JMY: variants seen among roughly 807,000 people sequenced by gnomAD.
JMY encodes junction mediating and regulatory protein, p53 cofactor.
JMY carries 46 observed loss-of-function variants against 103.3 expected under a neutral mutation model. That is an observed-to-expected ratio of 0.45 (90% confidence interval 0.35 to 0.57). The LOEUF is 0.57. Ranked by LOEUF, JMY falls within the 20% of genes least tolerant of loss-of-function variation. JMY has a pLI of 0.00. For missense variants in JMY, 1,238 were observed against 1,255.2 expected (o/e 0.99, Z 0.21); for synonymous variants, 526 against 489.3 (o/e 1.07, Z -0.99).
At chr5:79,282,204 C>T (rs1371544738) in intron 2 of JMY, among the ~76,000 whole-genome samples, 1 of 151,560 alleles carries the variant, frequency 6.6e-6, no homozygotes, top group East Asian at 1.9e-4. Flanking sequence ...GAGACACTGT[C>T]TCAAAAAATA....
chr5:79,314,859 A>G lies in JMY; in HGVS notation c.2659+8A>G. On this transcript the variant is annotated splice_region_variant and intron_variant, in intron 9 of 10. Transcript: ENST00000396137. Reference sequence around the variant, plus strand: ...GTTTGCAGAGGAGGAGAGGTACGTCAACATATTTTCATGGTCCATCTGTTG... The same window carrying G: ...GTTTGCAGAGGAGGAGAGGTACGTCGACATATTTTCATGGTCCATCTGTTG... The G allele has an allele frequency of 6.5e-7, 1 of 1,539,302 alleles. No individual in the cohort carries two copies. Among genetic ancestry groups the G allele is most frequent in the Non-Finnish European group, 8.7e-7 (1 of 1,144,974 alleles).
At chr5:79,313,649 T>C (rs1747117810) in intron 8 of JMY, among the ~76,000 whole-genome samples, 1 of 152,232 alleles carries the variant, frequency 6.6e-6, no homozygotes, top group African/African-American at 2.4e-5. Context: ...TTTATACATT[T>C]GACATCACTT....
chr5:79,323,834 G>A lies in JMY; in HGVS notation c.*2232G>A, dbSNP rs887174186. On this transcript the variant is annotated 3_prime_UTR_variant, in exon 11 of 11. Coordinates refer to ENST00000396137, the MANE Select transcript of JMY (RefSeq NM_152405.5). ...CATAAGTCTCTAGCAAAGAGTGGAG[G>A]GTGGAGGGTGTGTAGAACTCCACTC... is the stretch of plus-strand genomic sequence containing the variant. The A allele has an allele frequency of 6.6e-5, 10 of 152,070 alleles. No individual in the cohort carries two copies. The highest frequency in any genetic ancestry group is 5.9e-4 in the Admixed American group (9 of 15,254). The allele number at this position is 152,070 out of a possible 1,614,324, so 9.4% of individuals were successfully genotyped here.
chr5:79,269,606 G>T (rs1404417917), intron 1 of JMY, among the ~76,000 whole-genome samples: 1 of 152,034 alleles, frequency 6.6e-6, no homozygotes, highest in African/African-American at 2.4e-5. Context: ...GATTTCCTTT[G>T]TCAGAGTTTT....
chr5:79,236,486 T>C lies in JMY; in HGVS notation c.-165T>C. ...TCCGCGCCACAAAGGAGCTCGGCGG[T>C]CGGGGCGCGGAGGGACAGGCGAACG... On this transcript the variant is annotated 5_prime_UTR_variant, in exon 1 of 11. Transcript: ENST00000396137. 2.2e-6 allele frequency: 1 copy of C among 460,904 alleles called. No homozygotes were observed. The highest frequency in any genetic ancestry group is 3.6e-6 in the Non-Finnish European group (1 of 276,328). The allele number at this position is 460,904 out of a possible 1,614,324, so 28.6% of individuals were successfully genotyped here.
At chr5:79,316,349 C>A in intron 10 of JMY, 39 bp downstream of exon 10, 1 of 1,459,040 alleles carries the variant, frequency 6.9e-7, no homozygotes, top group Non-Finnish European at 9.4e-7. Context: ...TTCAGTAATA[C>A]AGGTTTTATA....
At position 79,314,265 on chromosome 5, in the gene JMY, T is replaced by C. The variant is rs756394278; in HGVS notation, c.2073T>C (p.Pro691=). Residue 691 remains proline, a synonymous_variant, in exon 9 of 11, where the codon CCT becomes CCC. Transcript: ENST00000396137. ...DRLRTFKQRY[P]GQVILKSTRL... Reference sequence around the variant, plus strand: ...AACTTCTGGTATTTTAGAGGTATCCTGGGCAAGTCATACTTAAATCAACCA... The same window carrying C: ...AACTTCTGGTATTTTAGAGGTATCCCGGGCAAGTCATACTTAAATCAACCA... The C allele has an allele frequency of 3.1e-6, 5 of 1,608,488 alleles. No individual in the cohort carries two copies. In the African/African-American group the frequency reaches 4.0e-5, roughly 13 times the overall value.
intron 7 of JMY, among the ~76,000 whole-genome samples, chr5:79,307,648 GATAA>G (rs1266052490): frequency 2.0e-5 from 3 of 152,082 alleles, no homozygotes; most frequent in African/African-American, 7.2e-5. Flanking sequence ...CAGATATATA[GATAA>G]ATAGATACAT....
chr5:79,291,408 T>C, intron 4 of JMY, 109 bp downstream of exon 4: 1 of 893,578 alleles, frequency 1.1e-6, no homozygotes, highest in Non-Finnish European at 1.6e-6. Context: ...TATGCCATCT[T>C]CATGAGATGA....
intron 7 of JMY, 96 bp downstream of exon 7, chr5:79,306,557 T>C (rs1423911442): frequency 1.2e-6 from 1 of 856,134 alleles, no homozygotes; most frequent in African/African-American, 1.7e-5. Context: ...AACTTATAAC[T>C]GCATGTTAAC....
chr5:79,284,116 A>G (rs1746200793), intron 2 of JMY: 1 of 1,469,172 alleles, frequency 6.8e-7, no homozygotes, highest in Non-Finnish European at 9.1e-7. Flanking sequence ...ATTTGCCACT[A>G]TTTGAAGTCT....
chr5:79,284,459 T>TAAGAG, intron 2 of JMY: 1 of 1,578,652 alleles, frequency 6.3e-7, no homozygotes, highest in South Asian at 1.1e-5. Flanking sequence ...GTGCTGGGCA[T>TAAGAG]AAGAGGTCTT....
chr5:79,314,549 T>C lies in JMY; in HGVS notation c.2357T>C (p.Leu786Pro). ...VTSELPPTIS[L>P]PLLNNNLEPC... Reference sequence around the variant, plus strand: ...TCTGAACTGCCTCCCACTATATCTCTTCCACTTTTGAATAACAACCTCGAA... The same window carrying C: ...TCTGAACTGCCTCCCACTATATCTCCTCCACTTTTGAATAACAACCTCGAA... The change falls in exon 9 of 11, where the codon CTT (leucine) becomes CCT (proline). Residue 786 changes from leucine to proline, a missense_variant. Coordinates refer to ENST00000396137, the MANE Select transcript of JMY (RefSeq NM_152405.5). 6.2e-7 allele frequency: 1 copy of C among 1,613,842 alleles called. No homozygotes were observed. The highest frequency in any genetic ancestry group is 1.1e-5 in the South Asian group (1 of 91,068).
chr5:79,261,137 A>G (rs563763363), intron 1 of JMY, among the ~76,000 whole-genome samples: 2 of 152,300 alleles, frequency 1.3e-5, no homozygotes, highest in South Asian at 2.1e-4. Context: ...TGGTTCCTAA[A>G]TAAGATGGCT....
chr5:79,292,609 G>A (rs996830158), intron 4 of JMY, among the ~76,000 whole-genome samples: 2 of 152,166 alleles, frequency 1.3e-5, no homozygotes, highest in African/African-American at 4.8e-5. Flanking sequence ...TCCATGCCCA[G>A]CCCGTCTTCA....
chr5:79,296,399 A>G (rs924491909), intron 4 of JMY, among the ~76,000 whole-genome samples: 1 of 152,202 alleles, frequency 6.6e-6, no homozygotes, highest in Non-Finnish European at 1.5e-5. Flanking sequence ...ACTAATTCTC[A>G]TGTTCATTCT....
At chr5:79,258,040 G>C (rs1018068765) in intron 1 of JMY, among the ~76,000 whole-genome samples, 1 of 152,156 alleles carries the variant, frequency 6.6e-6, no homozygotes, top group Non-Finnish European at 1.5e-5. Flanking sequence ...TGGGATTACA[G>C]TCATGAGCCA....
intron 9 of JMY, among the ~76,000 whole-genome samples, chr5:79,315,374 T>G (rs1222058501): frequency 2.0e-5 from 3 of 152,174 alleles, no homozygotes; most frequent in Non-Finnish European, 4.4e-5. Context: ...TAATTTTTTT[T>G]GTTAAGAGAG....
chr5:79,302,602 A>G (rs1443162936), intron 6 of JMY, among the ~76,000 whole-genome samples: 1 of 152,240 alleles, frequency 6.6e-6, no homozygotes, highest in Non-Finnish European at 1.5e-5. Flanking sequence ...AGCAGAAAAC[A>G]GCATGGTTTG....
Sources: gnomAD v4.1 joint callset for allele counts (sites outside exome capture counted in the v4.1 genomes callset) on GRCh38, gnomAD v4.1.1 for gene constraint, MANE v1.5 for transcripts, NCBI Gene and HGNC (gene_info 2026-07-23, HGNC 2026-07-21) for gene names.